The following BNC2 variants were observed in gnomAD, a reference collection of about 807,000 sequenced individuals.
BNC2 encodes the protein zinc finger protein basonuclin-2.
In BNC2, 20 loss-of-function variants were observed where a neutral mutation model predicts 76.3. The observed-to-expected ratio is 0.26, with a 90% CI of 0.18 to 0.38. BNC2 has a LOEUF of 0.38. BNC2 is among the 10% of genes least tolerant of loss of function. BNC2 has a pLI of 1.00. For missense variants in BNC2, 1,382 were observed against 1,399.8 expected, an observed-to-expected ratio of 0.99 and a Z score of 0.20; for synonymous variants, 582 against 514.8, an observed-to-expected ratio of 1.13 and a Z score of -1.77.
intron 1 of BNC2, among the ~76,000 whole-genome samples, chr9:16,841,362 C>T (rs1296235012): frequency 6.6e-6 from 1 of 152,104 alleles, no homozygotes; most frequent in East Asian, 1.9e-4. Context: ...CTCAGGACTC[C>T]GACGCTTTCT....
chr9:16,851,605 A>AT (rs1276998691), intron 1 of BNC2, among the ~76,000 whole-genome samples: 1 of 152,248 alleles, frequency 6.6e-6, no homozygotes, highest in East Asian at 1.9e-4. Flanking sequence ...ACATGTAATT[A>AT]TAAAATGGTA....
chr9:16,550,539 C>G (rs564025279), intron 5 of BNC2, among the ~76,000 whole-genome samples: 75 of 152,306 alleles, frequency 4.9e-4, no homozygotes, highest in African/African-American at 1.8e-3. Context: ...AACACAGAAA[C>G]ATTATCAGGC....
rs865957371 is a variant in BNC2, at chr9:16,821,030, C to T, written c.3+49616G>A. On this transcript the variant is annotated intron_variant, in intron 1 of 6. Coordinates refer to ENST00000380672, the MANE Select transcript of BNC2 (RefSeq NM_017637.6). ...GGTGGATCACTTGAGGCCAGGAATT[C>T]GAGACCAGCCTGGCCAACATGGTGA... 5.9e-5 allele frequency among the ~76,000 whole-genome samples: 9 copies of T among 151,814 alleles called. No individual in the cohort carries two copies. In the South Asian group the frequency reaches 1.2e-3, roughly 21 times the overall value.
chr9:16,600,479 A>C (rs868431615), intron 3 of BNC2, among the ~76,000 whole-genome samples: 1 of 152,208 alleles, frequency 6.6e-6, no homozygotes, highest in African/African-American at 2.4e-5. Flanking sequence ...GTATTTGTAC[A>C]GTATTATTTT....
At chr9:16,713,370 G>C (rs768982163) in intron 3 of BNC2, among the ~76,000 whole-genome samples, 40 of 151,366 alleles carry the variant, frequency 2.6e-4, no homozygotes, top group Non-Finnish European at 5.0e-4. Flanking sequence ...AGAAACAACG[G>C]GTAAGAAAAA....
At chr9:16,645,317 A>G (rs1821591695) in intron 3 of BNC2, among the ~76,000 whole-genome samples, 1 of 152,212 alleles carries the variant, frequency 6.6e-6, no homozygotes, top group Admixed American at 6.5e-5. Flanking sequence ...AGTTCTTACT[A>G]CTATTCTTTA....
intron 3 of BNC2, among the ~76,000 whole-genome samples, chr9:16,693,955 T>G (rs1370831109): frequency 6.6e-6 from 1 of 152,224 alleles, no homozygotes; most frequent in Non-Finnish European, 1.5e-5. Flanking sequence ...TCTACCTATC[T>G]TTCCGCGGCA....
At chr9:16,593,403 G>A (rs889260809) in intron 3 of BNC2, among the ~76,000 whole-genome samples, 6 of 151,898 alleles carry the variant, frequency 4.0e-5, no homozygotes, top group African/African-American at 7.3e-5. Flanking sequence ...ACTATCAATC[G>A]ATATAAGAAA....
At chr9:16,779,299 C>G (rs1826059470) in intron 1 of BNC2, among the ~76,000 whole-genome samples, 2 of 42,286 alleles carry the variant, frequency 4.7e-5, no homozygotes, top group African/African-American at 1.4e-4. Flanking sequence ...GAGACCCTCT[C>G]TCAAAAAAAA....
At chr9:16,827,384 G>C (rs1201647685) in intron 1 of BNC2, among the ~76,000 whole-genome samples, 1 of 152,152 alleles carries the variant, frequency 6.6e-6, no homozygotes, top group African/African-American at 2.4e-5. Context: ...GCTGCGACCA[G>C]CCTCAGTGGG....
intron 6 of BNC2, among the ~76,000 whole-genome samples, chr9:16,428,107 TAAAA>T (rs1820835247): frequency 6.6e-6 from 1 of 152,090 alleles, no homozygotes. Flanking sequence ...GTCCTGGTAA[TAAAA>T]AAGACAGACT....
At chr9:16,564,475 G>C (rs929408548) in intron 4 of BNC2, among the ~76,000 whole-genome samples, 11 of 152,106 alleles carry the variant, frequency 7.2e-5, no homozygotes, top group Non-Finnish European at 1.3e-4. Flanking sequence ...ACGAGATTCA[G>C]AGGAAACATC....
intron 4 of BNC2, among the ~76,000 whole-genome samples, chr9:16,565,094 G>T (rs1819131685): frequency 6.6e-6 from 1 of 151,984 alleles, no homozygotes; most frequent in African/African-American, 2.4e-5. Flanking sequence ...TACTACAAGG[G>T]CTCCTAACTG....
chr9:16,735,307 C>G (rs1292947334), intron 2 of BNC2, among the ~76,000 whole-genome samples: 1 of 151,324 alleles, frequency 6.6e-6, no homozygotes, highest in Non-Finnish European at 1.5e-5. Flanking sequence ...CAAACAGTAA[C>G]AGTGGCTTCT....
rs186285262 is a variant in BNC2, at chr9:16,861,675, T to G, written c.3+8971A>C. ...TAAAAAGATACTACTTCACACCCAC[T>G]AAGATCTGTAAAAATAAAAAGACAA... On this transcript the variant is annotated intron_variant, in intron 1 of 6. Coordinates refer to ENST00000380672, the MANE Select transcript of BNC2 (RefSeq NM_017637.6). Among the ~76,000 whole-genome samples the G allele has an allele frequency of 5.9e-5, 9 of 152,020 alleles. No individual in the cohort carries two copies. In the East Asian group the frequency reaches 1.7e-3, roughly 29 times the overall value.
intron 3 of BNC2, among the ~76,000 whole-genome samples, chr9:16,588,196 G>C (rs1819826083): frequency 6.6e-6 from 1 of 152,130 alleles, no homozygotes; most frequent in African/African-American, 2.4e-5. Flanking sequence ...TAACCTATCC[G>C]GCAACAGGAA....
intron 5 of BNC2, among the ~76,000 whole-genome samples, chr9:16,454,378 C>G (rs967943026): frequency 1.3e-5 from 2 of 152,080 alleles, no homozygotes; most frequent in Non-Finnish European, 2.9e-5. Flanking sequence ...TCATAGCTCA[C>G]TTCAGCCTGA....
At chr9:16,817,471 A>G (rs756749775) in intron 1 of BNC2, among the ~76,000 whole-genome samples, 6 of 152,250 alleles carry the variant, frequency 3.9e-5, no homozygotes, top group Non-Finnish European at 8.8e-5. Context: ...AAAGATCCCA[A>G]TTCAAATTCA....
chr9:16,628,066 A>G (rs1821048456), intron 3 of BNC2, among the ~76,000 whole-genome samples: 1 of 152,154 alleles, frequency 6.6e-6, no homozygotes, highest in Non-Finnish European at 1.5e-5. Flanking sequence ...TGTTTTTACC[A>G]CATCCTAACA....
Sources: gnomAD v4.1 joint callset for allele counts (sites outside exome capture counted in the v4.1 genomes callset) on GRCh38, gnomAD v4.1.1 for gene constraint, MANE v1.5 for transcripts, NCBI Gene and HGNC (gene_info 2026-07-23, HGNC 2026-07-21) for gene names.